FANCD2: variants seen among roughly 807,000 people sequenced by gnomAD.
The protein encoded by FANCD2 is FA complementation group D2.
FANCD2 carries 131 observed loss-of-function variants against 192.3 expected under a neutral mutation model. That is an observed-to-expected ratio of 0.68 (90% CI 0.59 to 0.79). FANCD2 has a LOEUF of 0.79. Ranked by LOEUF, FANCD2 falls within the 30% of genes least tolerant of loss-of-function variation. FANCD2 has a pLI of 0.00. For synonymous variants in FANCD2, 524 were observed against 612.5 expected (o/e 0.86, Z 2.13); for missense variants, 1,508 against 1,701.6 (o/e 0.89, Z 2.00).
At chr3:10,093,356 A>G (rs1414502877) in intron 39 of FANCD2, 33 bp downstream of exon 39, 1 of 1,566,166 alleles carries the variant, frequency 6.4e-7, no homozygotes, top group Admixed American at 1.7e-5. Context: ...TTTCATATTT[A>G]TTCTTCCTGT....
intron 6 of FANCD2, among the ~76,000 whole-genome samples, chr3:10,035,590 C>G (rs1458113115): frequency 6.6e-6 from 1 of 152,026 alleles, no homozygotes; most frequent in African/African-American, 2.4e-5. Flanking sequence ...TGTCCTTTTC[C>G]TCCTCCTCGT....
In FANCD2 at chr3:10,043,136, T is replaced by C; in HGVS notation, c.975T>C (p.Ser325=). ...RLQASQVKLK[S]KGRASSSGNQ... Reference sequence around the variant, plus strand: ...AGGCTTCCCAAGTAAAGTTGAAAAGTAAAGGACGAGCAAGGTAAAGAGCTC... The same window carrying C: ...AGGCTTCCCAAGTAAAGTTGAAAAGCAAAGGACGAGCAAGGTAAAGAGCTC... The change falls in exon 12 of 44, where the codon AGT becomes AGC. Residue 325 remains serine, a synonymous_variant. Coordinates refer to ENST00000675286, the MANE Select transcript of FANCD2 (RefSeq NM_001018115.3). 6.2e-7 allele frequency: 1 copy of C among 1,614,028 alleles called. No individual in the cohort carries two copies. Among genetic ancestry groups the C allele is most frequent in the Non-Finnish European group, 8.5e-7 (1 of 1,179,918 alleles).
Position 10,060,358 on chromosome 3 carries a change from G to A in FANCD2, c.1721G>A (p.Gly574Glu), listed in dbSNP as rs1358294609. 1 of 1,613,716 alleles carries A rather than the reference G, an allele frequency of 6.2e-7. No individual in the cohort carries two copies. Residue 574 changes from glycine to glutamate, a missense_variant, in exon 19 of 44, where the codon GGG (glycine) becomes GAG (glutamate). Around this residue, in one of 5 missense-constraint regions of FANCD2, gnomAD observed 110 missense variants for 114.4 expected, o/e 0.96. Transcript: ENST00000675286. ...SSTVFKYKLI[G>E]IIGAVTMAGI... ...ACCGTATTCAAGTACAAGCTCATTG[G>A]GATTATTGGTGCTGTGACCATGGCT...
chr3:10,041,994 G>C (rs1003552465), intron 10 of FANCD2, among the ~76,000 whole-genome samples: 1 of 151,584 alleles, frequency 6.6e-6, no homozygotes, highest in African/African-American at 2.4e-5. Context: ...TACCTACCAA[G>C]TTCAAGCAGT....
At chr3:10,036,082 A>ATTTTTTTTTTT in intron 6 of FANCD2, among the ~76,000 whole-genome samples, 1 of 103,894 alleles carries the variant, frequency 9.6e-6, no homozygotes, top group African/African-American at 4.6e-5. Context: ...AGAATTATAC[A>ATTTTTTTTTTT]TTTCTTTTTT....
rs762810414 is a variant in FANCD2, at chr3:10,067,248, AAGGGGAAGG to A, written c.2426_2434del (p.Lys809_Val812delinsMet). The A allele has an allele frequency of 1.9e-6, 3 of 1,613,754 alleles. No homozygotes were observed. The highest frequency in any genetic ancestry group is 2.5e-6 in the Non-Finnish European group (3 of 1,179,696). ...CTGCCAGGAAACATCACCTGAGATG[AAGGGGAAGG>A]TGCTCACTCGGTTAAAGCACATTGT... is the stretch of plus-strand genomic sequence containing the variant. On this transcript the variant is annotated inframe_deletion, in exon 26 of 44. Transcript: ENST00000675286.
At chr3:10,039,165 T>A in intron 7 of FANCD2, 114 bp from the exon 8 acceptor site, 1 of 691,558 alleles carries the variant, frequency 1.4e-6, no homozygotes, top group Admixed American at 2.2e-5. Context: ...GAATGCATAG[T>A]AGGTGTTCGG....
intron 35 of FANCD2, 59 bp downstream of exon 35, chr3:10,088,601 GT>G: frequency 7.9e-7 from 1 of 1,259,604 alleles, no homozygotes; most frequent in South Asian, 1.2e-5. Flanking sequence ...TGCTACTGTT[GT>G]TTGTCAGAGA....
At chr3:10,087,679 G>A (rs746529366) in intron 34 of FANCD2, among the ~76,000 whole-genome samples, 3 of 151,538 alleles carry the variant, frequency 2.0e-5, no homozygotes, top group Admixed American at 1.3e-4. Flanking sequence ...ACAGAGTCTC[G>A]TTCTGTCACC....
chr3:10,089,983 T>C (rs1238073084), intron 36 of FANCD2, among the ~76,000 whole-genome samples: 1 of 152,210 alleles, frequency 6.6e-6, no homozygotes, highest in Non-Finnish European at 1.5e-5. Context: ...AGAGAACTTC[T>C]CAAGCTTACA....
At chr3:10,040,106 C>T (rs1482768935) in intron 9 of FANCD2, 6 of 460,956 alleles carry the variant, frequency 1.3e-5, no homozygotes, top group South Asian at 3.0e-5. Flanking sequence ...GCGATCTCAG[C>T]TCACTGCAAC....
At chr3:10,083,001 T>G (rs1693940387) in intron 32 of FANCD2, among the ~76,000 whole-genome samples, 1 of 151,940 alleles carries the variant, frequency 6.6e-6, no homozygotes, top group East Asian at 1.9e-4. Flanking sequence ...CCAAGGTGGG[T>G]GGATCACTTG....
At chr3:10,060,064 G>C (rs1303151987) in intron 18 of FANCD2, among the ~76,000 whole-genome samples, 2 of 151,942 alleles carry the variant, frequency 1.3e-5, no homozygotes, top group Admixed American at 1.3e-4. Flanking sequence ...TTACCCAGGA[G>C]GCTGAGGCAG....
At chr3:10,032,541 A>T in intron 2 of FANCD2, 1 of 356,026 alleles carries the variant, frequency 2.8e-6, no homozygotes, top group Non-Finnish European at 5.3e-6. Flanking sequence ...TCCTGGCTTC[A>T]AGTGATCCTC....
chr3:10,060,239 C>T (rs1340053122), intron 18 of FANCD2, 55 bp from the exon 19 acceptor site: 19 of 1,252,526 alleles, frequency 1.5e-5, no homozygotes, highest in Non-Finnish European at 2.0e-5. Flanking sequence ...ATATCCATAC[C>T]TTCTTTTGCT....
At chr3:10,095,068 T>A (rs1694870571) in intron 40 of FANCD2, 132 bp from the exon 41 acceptor site, 1 of 750,606 alleles carries the variant, frequency 1.3e-6, no homozygotes, top group South Asian at 1.5e-5. Context: ...GAGAGGCAAA[T>A]TAAGATGATT....
chr3:10,100,137 A>G (rs866687601), intron 43 of FANCD2, among the ~76,000 whole-genome samples: 3 of 152,022 alleles, frequency 2.0e-5, no homozygotes, highest in Admixed American at 6.5e-5. Context: ...GCAGTGAGCC[A>G]TCATCACACT....
intron 15 of FANCD2, among the ~76,000 whole-genome samples, chr3:10,047,149 G>GC (rs1032315271): frequency 1.3e-5 from 2 of 151,860 alleles, no homozygotes; most frequent in African/African-American, 4.8e-5. Context: ...AACTGGATGG[G>GC]CCAGTGGTTT....
rs1174486810 is a variant in FANCD2 at position 10,048,176 on chromosome 3, C to G, written c.1413+125C>G. 5 of 1,217,952 alleles carry G rather than the reference C, an allele frequency of 4.1e-6. No homozygotes were observed. In the African/African-American group the frequency reaches 6.0e-5, roughly 15 times the overall value. The allele number at this position is 1,217,952 out of a possible 1,614,324, so 75.4% of individuals were successfully genotyped here. ...CTCTGACCTGGGTCTCAAGAAAGCT[C>G]AATTCTAGTCCCAGCCTTGATGAAA... On this transcript the variant is annotated intron_variant, in intron 16 of 43. Coordinates refer to ENST00000675286, the MANE Select transcript of FANCD2 (RefSeq NM_001018115.3).
Sources: allele counts gnomAD v4.1 joint callset (sites outside exome capture counted in the v4.1 genomes callset), GRCh38; gene constraint gnomAD v4.1.1; regional missense constraint gnomAD v4.1.1; transcripts MANE v1.5; gene names NCBI Gene and HGNC (gene_info 2026-07-23, HGNC 2026-07-21).